The following PID1 variants were observed in gnomAD, a reference collection of about 807,000 sequenced individuals.
The protein encoded by PID1 is phosphotyrosine interaction domain containing 1, also known as PTB-containing, cubilin and LRP1-interacting protein.
In PID1, 10 loss-of-function variants were observed where a neutral mutation model predicts 19.1. The ratio of observed to expected loss-of-function variants is 0.52; its 90% CI spans 0.32 to 0.89. The LOEUF (loss-of-function observed/expected upper bound fraction) is 0.89, where lower values mean the gene tolerates loss of function less well. PID1 is among the 40% of genes least tolerant of loss of function. The pLI, the probability that PID1 is intolerant of heterozygous loss-of-function variation, is 0.03. For missense variants in PID1, 248 were observed against 285.3 expected (o/e 0.87, Z 0.94); for synonymous variants, 130 against 116.0 (o/e 1.12, Z -0.78).
At chr2:229,257,378 C>T (rs1690329954) in intron 1 of PID1, among the ~76,000 whole-genome samples, 1 of 152,130 alleles carries the variant, frequency 6.6e-6, no homozygotes, top group South Asian at 2.1e-4. Flanking sequence ...CATCCTTTGC[C>T]CCTCCGACTC....
chr2:229,159,291 T>G (rs755340928), intron 1 of PID1, among the ~76,000 whole-genome samples: 7 of 152,212 alleles, frequency 4.6e-5, no homozygotes, highest in Non-Finnish European at 1.0e-4. Context: ...GGTGGTCCAT[T>G]TAAAGCATTG....
At chr2:229,060,912 T>G (rs1311896405) in intron 2 of PID1, among the ~76,000 whole-genome samples, 1 of 152,106 alleles carries the variant, frequency 6.6e-6, no homozygotes, top group African/African-American at 2.4e-5. Flanking sequence ...ATGTTTTCTT[T>G]TGAGAAATAT....
rs577233148 is a variant in PID1 at position 229,157,103 on chromosome 2, C to T, written c.31-1139G>A. Reference sequence around the variant, plus strand: ...ACTCATGCCTCGCTTCATGTGCCTACAGCCTGTGCTTAGGAGGGCCTCACA... The same window carrying T: ...ACTCATGCCTCGCTTCATGTGCCTATAGCCTGTGCTTAGGAGGGCCTCACA... On this transcript the variant is annotated intron_variant, in intron 1 of 2. Transcript: ENST00000392055. 2.0e-5 allele frequency among the ~76,000 whole-genome samples: 3 copies of T among 152,284 alleles called. No individual in the cohort carries two copies. In the East Asian group the frequency reaches 5.8e-4, roughly 29 times the overall value.
intron 2 of PID1, among the ~76,000 whole-genome samples, chr2:229,103,344 C>A (rs912493981): frequency 6.6e-6 from 1 of 152,086 alleles, no homozygotes; most frequent in African/African-American, 2.4e-5. Context: ...CTTTGTCTAC[C>A]AGATGCTGAG....
At chr2:229,232,764 A>T (rs1226983) in intron 1 of PID1, among the ~76,000 whole-genome samples, 1 of 146,068 alleles carries the variant, frequency 6.8e-6, no homozygotes, top group African/African-American at 2.5e-5. Flanking sequence ...ACCAAAAATG[A>T]ATATATATAC....
chr2:229,106,598 C>T (rs1695183697), intron 2 of PID1, among the ~76,000 whole-genome samples: 1 of 152,132 alleles, frequency 6.6e-6, no homozygotes, highest in South Asian at 2.1e-4. Context: ...ACTTGCTCAC[C>T]CCCTCCACCA....
intron 2 of PID1, among the ~76,000 whole-genome samples, chr2:229,130,929 G>C (rs6738077): frequency 0.53 from 79,870 of 152,006 alleles, 21,783 homozygotes; most frequent in Admixed American, 0.63. Context: ...CTGGCCTGTA[G>C]CTGTGTAACT....
chr2:229,217,558 C>T (rs895929515), intron 1 of PID1, among the ~76,000 whole-genome samples: 9 of 152,108 alleles, frequency 5.9e-5, no homozygotes, highest in Non-Finnish European at 1.2e-4. Context: ...AAACATGAGA[C>T]CCAGCTCAAA....
chr2:229,133,640 C>T (rs1439911285), intron 2 of PID1, among the ~76,000 whole-genome samples: 1 of 152,072 alleles, frequency 6.6e-6, no homozygotes, highest in East Asian at 1.9e-4. Context: ...TTCTTCATGC[C>T]CAATATCGAC....
rs146449146 is a variant in PID1, at chr2:229,034,615, G to A, written c.178-8507C>T. 4.3e-3 allele frequency among the ~76,000 whole-genome samples: 661 copies of A among 152,210 alleles called. 3 individuals carry two copies. Among genetic ancestry groups the A allele is most frequent in the Non-Finnish European group, 6.7e-3 (455 of 68,012 alleles). Reference sequence around the variant, plus strand: ...CAGTTTCAGCATCAGCCATCAAGGAGTTGCAGGGTCCTCCATCAGTCTTCC... The same window carrying A: ...CAGTTTCAGCATCAGCCATCAAGGAATTGCAGGGTCCTCCATCAGTCTTCC... On this transcript the variant is annotated intron_variant, in intron 2 of 2. Transcript: ENST00000392055.
chr2:229,230,803 G>T (rs1053502212), intron 1 of PID1, among the ~76,000 whole-genome samples: 1 of 151,878 alleles, frequency 6.6e-6, no homozygotes, highest in Non-Finnish European at 1.5e-5. Flanking sequence ...ACACACATAT[G>T]TATATAATGT....
At chr2:229,221,920 CCT>C (rs1266848596) in intron 1 of PID1, among the ~76,000 whole-genome samples, 2 of 152,198 alleles carry the variant, frequency 1.3e-5, no homozygotes, top group Non-Finnish European at 2.9e-5. Flanking sequence ...GGGGATCCCC[CCT>C]CTGACATTCC....
At chr2:229,145,040 G>A (rs906031087) in intron 2 of PID1, among the ~76,000 whole-genome samples, 2 of 151,204 alleles carry the variant, frequency 1.3e-5, no homozygotes, top group Non-Finnish European at 2.9e-5. Flanking sequence ...GGAGTAGCAG[G>A]TAGACTTGTT....
chr2:229,129,116 G>A (rs1265305487), intron 2 of PID1, among the ~76,000 whole-genome samples: 1 of 152,170 alleles, frequency 6.6e-6, no homozygotes, highest in African/African-American at 2.4e-5. Flanking sequence ...GCACACAACT[G>A]TGTACAGCTT....
Position 229,107,109 on chromosome 2 carries a change from A to C in PID1, c.177+48709T>G, listed in dbSNP as rs957283669. 2.0e-5 allele frequency among the ~76,000 whole-genome samples: 3 copies of C among 152,206 alleles called. No individual in the cohort carries two copies. The East Asian group carries it at 5.8e-4, about 29-fold the overall frequency. On this transcript the variant is annotated intron_variant, in intron 2 of 2. Transcript: ENST00000392055. ...TAGAGATTAGAGTCATACTTCCATG[A>C]CCCAAGAAATGCCAGAAGCCACCAG...
At chr2:229,122,302 T>C (rs1307848159) in intron 2 of PID1, among the ~76,000 whole-genome samples, 2 of 152,196 alleles carry the variant, frequency 1.3e-5, no homozygotes, top group South Asian at 2.1e-4. Context: ...TAACTAAATA[T>C]AGTCCATACA....
At chr2:229,254,063 T>G (rs1690224520) in intron 1 of PID1, among the ~76,000 whole-genome samples, 1 of 152,150 alleles carries the variant, frequency 6.6e-6, no homozygotes, top group Non-Finnish European at 1.5e-5. Context: ...GTCACCCTGC[T>G]GAGGATTCCA....
intron 2 of PID1, among the ~76,000 whole-genome samples, chr2:229,087,831 T>A (rs907993928): frequency 8.5e-5 from 13 of 152,302 alleles, no homozygotes; most frequent in Middle Eastern, 3.4e-3. Flanking sequence ...ACCTGTTACA[T>A]AAATAGAAAA....
intron 2 of PID1, among the ~76,000 whole-genome samples, chr2:229,081,190 A>G (rs77757171): frequency 6.6e-6 from 1 of 152,256 alleles, no homozygotes; most frequent in East Asian, 1.9e-4. Context: ...TTAGGTTTAC[A>G]TTGTTGATAC....
Sources: allele counts gnomAD v4.1 joint callset (sites outside exome capture counted in the v4.1 genomes callset), GRCh38; gene constraint gnomAD v4.1.1; transcripts MANE v1.5; gene names NCBI Gene and HGNC (gene_info 2026-07-23, HGNC 2026-07-21).